RAB2A: variants seen among roughly 807,000 people sequenced by gnomAD.
RAB2A encodes the protein ras-related protein Rab-2A.
In RAB2A, 7 loss-of-function variants were observed where a neutral mutation model predicts 32.5. The observed-to-expected ratio is 0.22, with a 90% CI of 0.12 to 0.40. RAB2A has a LOEUF of 0.40. Ranked by LOEUF, RAB2A falls within the 10% of genes least tolerant of loss-of-function variation. RAB2A has a pLI of 1.00. For synonymous variants in RAB2A, 79 were observed against 85.2 expected, an observed-to-expected ratio of 0.93 and a Z score of 0.40; for missense variants, 108 against 260.7, an observed-to-expected ratio of 0.41 and a Z score of 4.03.
intron 6 of RAB2A, among the ~76,000 whole-genome samples, chr8:60,605,852 T>TATATATATATATATATATATATATATATA (rs777621349): frequency 1.4e-5 from 2 of 144,746 alleles, no homozygotes; most frequent in African/African-American, 5.3e-5. Context: ...TATATATATA[T>TATATATATATATATATATATATATATATA]AATGCTTCAT....
chr8:60,615,591 T>C (rs1475968239), intron 6 of RAB2A, among the ~76,000 whole-genome samples: 1 of 152,172 alleles, frequency 6.6e-6, no homozygotes, highest in Non-Finnish European at 1.5e-5. Context: ...TTTCTCATCT[T>C]TTTGGAAATG....
At chr8:60,516,920 C>G, upstream of RAB2A, 1 of 287,628 alleles carries the variant, frequency 3.5e-6, no homozygotes, top group Non-Finnish European at 6.5e-6. Context: ...TTTCCTCCGG[C>G]GGCGCCGGCG....
intron 6 of RAB2A, among the ~76,000 whole-genome samples, chr8:60,610,134 T>TG (rs1382984421): frequency 6.6e-6 from 1 of 152,054 alleles, no homozygotes; most frequent in East Asian, 1.9e-4. Context: ...AGAAGCCTTA[T>TG]GCTTATGCTG....
chr8:60,616,208 T>G (rs1474795959), intron 6 of RAB2A, among the ~76,000 whole-genome samples: 2 of 152,208 alleles, frequency 1.3e-5, no homozygotes. Context: ...AGTAGTGACT[T>G]ACTTAATTTT....
chr8:60,544,105 ATTCT>A (rs1339381092), intron 1 of RAB2A, among the ~76,000 whole-genome samples: 1 of 146,942 alleles, frequency 6.8e-6, no homozygotes, highest in Non-Finnish European at 1.5e-5. Context: ...GATATTTTCA[ATTCT>A]TTTTTTTTTT....
intron 1 of RAB2A, among the ~76,000 whole-genome samples, chr8:60,540,638 C>T (rs1019153845): frequency 1.3e-5 from 2 of 152,178 alleles, no homozygotes; most frequent in Admixed American, 1.3e-4. Context: ...TGCCACCACG[C>T]CTGGCTAATT....
chr8:60,547,683 G>A (rs1807760246), intron 1 of RAB2A, among the ~76,000 whole-genome samples: 3 of 123,394 alleles, frequency 2.4e-5, no homozygotes, highest in Non-Finnish European at 3.6e-5. Flanking sequence ...CCCGGACGGG[G>A]CGGCTGGCCG....
At chr8:60,610,035 G>A (rs1444926255) in intron 6 of RAB2A, among the ~76,000 whole-genome samples, 9 of 150,734 alleles carry the variant, frequency 6.0e-5, no homozygotes, top group Middle Eastern at 6.9e-3. Context: ...TTCAGTAGCT[G>A]CCTGGAATCT....
chr8:60,522,705 A>G (rs1384710717), intron 1 of RAB2A, among the ~76,000 whole-genome samples: 1 of 152,144 alleles, frequency 6.6e-6, no homozygotes, highest in Non-Finnish European at 1.5e-5. Context: ...AGGGGAGGTA[A>G]GGAGCAAAGT....
At position 60,531,410 on chromosome 8, in the gene RAB2A, C is replaced by G. The variant is rs11993479; in HGVS notation, c.46+14157C>G. On this transcript the variant is annotated intron_variant, in intron 1 of 7. Transcript: ENST00000262646. ...TTTTAGTTTTCTCATCTGGAAAAAC[C>G]AATAGCAATGCCTGGATTATCTATA... 8.1e-3 allele frequency among the ~76,000 whole-genome samples: 1,232 copies of G among 152,188 alleles called. 15 individuals carry two copies. Among genetic ancestry groups the G allele is most frequent in the African/African-American group, 0.027 (1,129 of 41,494 alleles).
chr8:60,584,190 C>A lies in RAB2A; in HGVS notation c.187-18C>A. On this transcript the variant is annotated intron_variant, in intron 3 of 7. Transcript: ENST00000262646. ...CATTGTATTAAAGGAAACTCTCCAA[C>A]CTTTTTTTTCGTTACAGGCAGGGCA... The A allele has an allele frequency of 6.4e-7, 1 of 1,563,782 alleles. No homozygotes were observed.
At chr8:60,553,421 CTAGGG>C (rs1218879449) in intron 1 of RAB2A, among the ~76,000 whole-genome samples, 2 of 152,190 alleles carry the variant, frequency 1.3e-5, no homozygotes, top group Non-Finnish European at 2.9e-5. Flanking sequence ...GATTGCATAA[CTAGGG>C]TAGGGCCTAG....
At chr8:60,576,211 C>T (rs1803623806) in intron 3 of RAB2A, 1 of 456,256 alleles carries the variant, frequency 2.2e-6, no homozygotes, top group Non-Finnish European at 4.4e-6. Flanking sequence ...CAAAGCCAAA[C>T]TGTAAATATT....
chr8:60,551,890 G>A (rs913971178), intron 1 of RAB2A: 13 of 129,624 alleles, frequency 1.0e-4, no homozygotes, highest in Non-Finnish European at 2.0e-4. Flanking sequence ...TGGAGACAGA[G>A]CCTTGCTGTG....
In RAB2A at chr8:60,607,428, CAAAAAAAAA is replaced by C. The variant is rs773988383; in HGVS notation, c.475-11139_475-11131del. Among the ~76,000 whole-genome samples the C allele has an allele frequency of 3.5e-4, 20 of 57,492 alleles. No individual in the cohort carries two copies. The Admixed American group carries it at 3.9e-3, about 11-fold the overall frequency. 37.7% of individuals were successfully genotyped at this position (57,492 alleles called of 152,430 possible). On this transcript the variant is annotated intron_variant, in intron 6 of 7. Transcript: ENST00000262646. ...TGGGCGACAGAGCGAGACTCCATCT[CAAAAAAAAA>C]AAAAAAAAAAAAGGTTTTTGTAGAG...
At chr8:60,588,521 T>C (rs753560664) in intron 5 of RAB2A, among the ~76,000 whole-genome samples, 3 of 152,210 alleles carry the variant, frequency 2.0e-5, no homozygotes, top group Non-Finnish European at 4.4e-5. Flanking sequence ...GAACTATTGA[T>C]ACATGCAGCA....
At chr8:60,570,337 A>G (rs1319157054) in intron 2 of RAB2A, among the ~76,000 whole-genome samples, 2 of 152,184 alleles carry the variant, frequency 1.3e-5, no homozygotes, top group African/African-American at 2.4e-5. Context: ...CAATAAATTC[A>G]TGAAAAAGCC....
chr8:60,531,426 A>G (rs562770242), intron 1 of RAB2A, among the ~76,000 whole-genome samples: 3 of 152,326 alleles, frequency 2.0e-5, no homozygotes, highest in African/African-American at 7.2e-5. Context: ...CAATGCCTGG[A>G]TTATCTATAC....
chr8:60,567,107 CTTTCTTTT>C lies in RAB2A; in HGVS notation c.119-4927_119-4920del, dbSNP rs1808126258. Among the ~76,000 whole-genome samples the C allele has an allele frequency of 3.3e-5, 5 of 149,658 alleles. 1 individual carries two copies. Among genetic ancestry groups the C allele is most frequent in the Admixed American group, 3.3e-4 (5 of 15,086 alleles). On this transcript the variant is annotated intron_variant, in intron 2 of 7. Transcript: ENST00000262646. ...GGGTGCCAAAATATGTTTTGTTCAT[CTTTCTTTT>C]TTTCTTTTTTTTTTTTTTTGAGACA...
Sources: gnomAD v4.1 joint callset for allele counts (sites outside exome capture counted in the v4.1 genomes callset) on GRCh38, gnomAD v4.1.1 for gene constraint, MANE v1.5 for transcripts, NCBI Gene and HGNC (gene_info 2026-07-23, HGNC 2026-07-21) for gene names.